Variants in ALG1 observed in about 807,000 individuals in gnomAD.
ALG1 encodes the protein ALG1 chitobiosyldiphosphodolichol beta-mannosyltransferase.
A neutral mutation model predicts 55.1 loss-of-function variants in ALG1; 58 were observed. That is an observed-to-expected ratio of 1.05 (90% CI 0.85 to 1.31). The LOEUF is 1.31. Ranked by LOEUF, ALG1 falls within the 50% of genes most tolerant of loss-of-function variation. The pLI, the probability that ALG1 is intolerant of heterozygous loss-of-function variation, is 0.00. For missense variants in ALG1, 761 were observed against 598.6 expected, an observed-to-expected ratio of 1.27 and a Z score of -2.83; for synonymous variants, 309 against 247.0, an observed-to-expected ratio of 1.25 and a Z score of -2.35.
intron 10 of ALG1, among the ~76,000 whole-genome samples, chr16:5,081,629 AG>A (rs1957018928): frequency 6.6e-6 from 1 of 152,114 alleles, no homozygotes; most frequent in Admixed American, 6.5e-5. Context: ...GCATGATCTC[AG>A]TTCATGCAAC....
At chr16:5,078,392 C>G (rs1160861144) in intron 6 of ALG1, 3 of 590,162 alleles carry the variant, frequency 5.1e-6, no homozygotes, top group African/African-American at 1.8e-5. Context: ...CCTGGGGTGT[C>G]TCATGGGGCT....
intron 4 of ALG1, among the ~76,000 whole-genome samples, chr16:5,076,357 G>A (rs1243286634): frequency 6.6e-6 from 1 of 152,224 alleles, no homozygotes; most frequent in Non-Finnish European, 1.5e-5. Flanking sequence ...GAGCAGAATG[G>A]TCAATGGTGA....
intron 4 of ALG1, 66 bp from the exon 5 acceptor site, chr16:5,077,379 G>T: frequency 7.3e-7 from 1 of 1,366,462 alleles, no homozygotes; most frequent in South Asian, 1.2e-5. Flanking sequence ...GAGGGATGTC[G>T]AGTCACGCTG....
At chr16:5,073,367 C>T (rs768138921) in intron 3 of ALG1, 111 bp downstream of exon 3, 75 of 946,672 alleles carry the variant, frequency 7.9e-5, no homozygotes, top group Non-Finnish European at 1.1e-4. Flanking sequence ...TGTGTATGGG[C>T]GTTTAAAGAC....
At chr16:5,078,933 T>C (rs1464083151) in intron 7 of ALG1, 55 bp downstream of exon 7, 29 of 1,602,638 alleles carry the variant, frequency 1.8e-5, no homozygotes, top group Non-Finnish European at 2.2e-5. Context: ...CTGGCCAACC[T>C]GTGTTCTCCT....
chr16:5,080,832 G>A (rs1957003455), intron 9 of ALG1, 114 bp from the exon 10 acceptor site: 1 of 1,418,378 alleles, frequency 7.1e-7, no homozygotes, highest in South Asian at 1.2e-5. Context: ...TGGAGCTGCT[G>A]AGGGGTGGAG....
In ALG1 at chr16:5,071,967, C is replaced by T. The variant is rs748853444; in HGVS notation, c.118C>T (p.Leu40=). ...GGCCCGGCATGTAGTAGCGGTGGTGCTGGGCGACGTGGGCCGCAGCCCCCG... is the reference window on the plus strand; with the variant it reads ...GGCCCGGCATGTAGTAGCGGTGGTGTTGGGCGACGTGGGCCGCAGCCCCCG... ...RAARHVVAVV[L]GDVGRSPRMQ... Residue 40 remains leucine, a synonymous_variant, in exon 1 of 13, where the codon CTG becomes TTG. Transcript: ENST00000262374. 4 of 1,590,782 alleles carry T rather than the reference C, an allele frequency of 2.5e-6. No individual in the cohort carries two copies. Among genetic ancestry groups the T allele is most frequent in the Non-Finnish European group, 3.4e-6 (4 of 1,168,700 alleles).
At chr16:5,073,837 C>T (rs1326944876) in intron 3 of ALG1, among the ~76,000 whole-genome samples, 4 of 152,204 alleles carry the variant, frequency 2.6e-5, no homozygotes, top group Non-Finnish European at 5.9e-5. Context: ...GCCTCAGCCT[C>T]CTGAGTAGCT....
intron 5 of ALG1, 22 bp from the exon 6 acceptor site, chr16:5,077,885 C>A: frequency 6.2e-7 from 1 of 1,605,320 alleles, no homozygotes. Flanking sequence ...CTCCCAATAG[C>A]CCCGTCATGA....
At chr16:5,082,143 C>G (rs1167643617) in intron 10 of ALG1, among the ~76,000 whole-genome samples, 1 of 151,902 alleles carries the variant, frequency 6.6e-6, no homozygotes, top group East Asian at 1.9e-4. Context: ...TGGGGTTTCA[C>G]CATGTGGGCC....
rs371014838 is a variant in ALG1 at position 5,077,888 on chromosome 16, C to T, written c.630-19C>T. On this transcript the variant is annotated intron_variant, in intron 5 of 12. Coordinates refer to ENST00000262374, the MANE Select transcript of ALG1 (RefSeq NM_019109.5). Reference sequence around the variant, plus strand: ...CTTTCTTCAGCCCTCCCAATAGCCCCGTCATGATTTCATTGCAGGGCTGTG... The same window carrying T: ...CTTTCTTCAGCCCTCCCAATAGCCCTGTCATGATTTCATTGCAGGGCTGTG... 1.0e-4 allele frequency: 168 copies of T among 1,604,700 alleles called. 1 individual carries two copies. Among genetic ancestry groups the T allele is most frequent in the Middle Eastern group, 2.3e-4 (1 of 4,420 alleles).
intron 3 of ALG1, among the ~76,000 whole-genome samples, chr16:5,073,662 C>T (rs551944514): frequency 2.6e-5 from 4 of 152,358 alleles, no homozygotes; most frequent in African/African-American, 4.8e-5. Flanking sequence ...GAACGTAGGT[C>T]GTCAGTGTGG....
In ALG1 at chr16:5,071,950, A is replaced by C; in HGVS notation, c.101A>C (p.His34Pro). 2 of 1,588,212 alleles carry C rather than the reference A, an allele frequency of 1.3e-6. No individual in the cohort carries two copies. The highest frequency in any genetic ancestry group is 1.7e-6 in the Non-Finnish European group (2 of 1,167,504). Residue 34 changes from histidine to proline, a missense_variant, in exon 1 of 13, where the codon CAT becomes CCT. By Grantham distance (77) the His-to-Pro change is moderately conservative. Transcript: ENST00000262374. The stretch of plus-strand genomic sequence containing the variant: ...TGGCGCCGGGGGCGGGCGGCCCGGC[A>C]TGTAGTAGCGGTGGTGCTGGGCGAC... ...KRWRRGRAARHVVAVVLGDVG... is the reference protein window; with the variant it reads ...KRWRRGRAARPVVAVVLGDVG...
intron 6 of ALG1, 96 bp downstream of exon 6, chr16:5,078,113 G>A (rs1956948419): frequency 2.9e-6 from 4 of 1,389,638 alleles, no homozygotes; most frequent in African/African-American, 1.4e-5. Context: ...TCATCCAGGG[G>A]TTGGCAAACT....
In ALG1 at chr16:5,078,823, G is replaced by A; in HGVS notation, c.807G>A (p.Leu269=). 1 of 1,612,466 alleles carries A rather than the reference G, an allele frequency of 6.2e-7. No homozygotes were observed. Among genetic ancestry groups the A allele is most frequent in the Non-Finnish European group, 8.5e-7 (1 of 1,179,812 alleles). ...CGGAGCGGGATGCTGGGAGCGGGCT[G>A]GTGACGCGTCTCCGTGAGCGGCCAG... The part of the protein sequence containing the change: ...AFTERDAGSG[L]VTRLRERPAL... The change falls in exon 7 of 13, where the codon CTG becomes CTA. Residue 269 remains leucine, a synonymous_variant. Transcript: ENST00000262374.
At chr16:5,076,576 C>T (rs150517201) in intron 4 of ALG1, among the ~76,000 whole-genome samples, 18 of 152,300 alleles carry the variant, frequency 1.2e-4, no homozygotes, top group Non-Finnish European at 2.4e-4. Context: ...GAGGAACAGG[C>T]GATGATACCC....
rs1270824659 is a variant in ALG1, at chr16:5,085,431, C to T, written c.*550C>T. 8.5e-6 allele frequency: 5 copies of T among 590,118 alleles called. No homozygotes were observed. The highest frequency in any genetic ancestry group is 1.9e-5 in the African/African-American group (1 of 53,318). The allele number at this position is 590,118 out of a possible 1,614,324, so 36.6% of individuals were successfully genotyped here. A position where few individuals can be genotyped will look rare whatever the true frequency, so the allele number is the denominator to read the frequency against. ...GATTTATGGTGATTTTCTTAAGAAC[C>T]AGAACTGCTGGCAGAAAGGGGGCAC... On this transcript the variant is annotated 3_prime_UTR_variant, in exon 13 of 13. Transcript: ENST00000262374.
In ALG1 at chr16:5,073,263, A is replaced by G. The variant is rs1956851642; in HGVS notation, c.390+7A>G. The G allele has an allele frequency of 6.2e-7, 1 of 1,613,160 alleles. No individual in the cohort carries two copies. The highest frequency in any genetic ancestry group is 2.2e-5 in the East Asian group (1 of 44,882). On this transcript the variant is annotated splice_region_variant and intron_variant, in intron 3 of 12. Coordinates refer to ENST00000262374, the MANE Select transcript of ALG1 (RefSeq NM_019109.5). ...TGCCTATATCTTTCTCCAGGTGTGTATCAGCCTCTGCCTCCCTCTGTGAGA... is the reference window on the plus strand; with the variant it reads ...TGCCTATATCTTTCTCCAGGTGTGTGTCAGCCTCTGCCTCCCTCTGTGAGA...
At chr16:5,078,184 A>G (rs1319505874) in intron 6 of ALG1, 167 bp downstream of exon 6, 4 of 826,844 alleles carry the variant, frequency 4.8e-6, no homozygotes, top group Non-Finnish European at 6.0e-6. Context: ...CAACACACTC[A>G]TTGCCTTCTG....
Sources: gnomAD v4.1 joint callset for allele counts (sites outside exome capture counted in the v4.1 genomes callset) on GRCh38, gnomAD v4.1.1 for gene constraint, MANE v1.5 for transcripts, NCBI Gene and HGNC (gene_info 2026-07-23, HGNC 2026-07-21) for gene names.